Variants in GTF2IRD1 observed in about 807,000 individuals in gnomAD.
The protein encoded by GTF2IRD1 is GTF2I repeat domain containing 1.
In GTF2IRD1, 26 loss-of-function variants were observed where a neutral mutation model predicts 113.2. The ratio of observed to expected loss-of-function variants is 0.23; its 90% confidence interval spans 0.17 to 0.32. The LOEUF is 0.32. GTF2IRD1 is among the 10% of genes least tolerant of loss of function. GTF2IRD1 has a pLI of 1.00. For missense variants in GTF2IRD1, 864 were observed against 1,280.8 expected, an observed-to-expected ratio of 0.67 and a Z score of 4.97; for synonymous variants, 484 against 529.1, an observed-to-expected ratio of 0.91 and a Z score of 1.17.
At position 74,488,428 on chromosome 7, in the gene GTF2IRD1, A is replaced by G. The variant is rs567779273; in HGVS notation, c.-6-19647A>G. Reference sequence around the variant, plus strand: ...AAATGGGTGACTTTACAACTGGTAAAGACTGACTTAAGTAGGATGTTTTTA... The same window carrying G: ...AAATGGGTGACTTTACAACTGGTAAGGACTGACTTAAGTAGGATGTTTTTA... On this transcript the variant is annotated intron_variant, in intron 1 of 26. Coordinates refer to ENST00000424337, the MANE Select transcript of GTF2IRD1 (RefSeq NM_005685.4). Among the ~76,000 whole-genome samples, 11 of 152,352 alleles carry G rather than the reference A, an allele frequency of 7.2e-5. No homozygotes were observed. The East Asian group carries it at 2.1e-3, about 29-fold the overall frequency.
chr7:74,498,980 T>G (rs935122373), intron 1 of GTF2IRD1, among the ~76,000 whole-genome samples: 2 of 152,220 alleles, frequency 1.3e-5, no homozygotes, highest in African/African-American at 4.8e-5. Flanking sequence ...TCCTCCCACC[T>G]CTGCCTCCCA....
At chr7:74,456,753 C>G (rs1793004810) in intron 1 of GTF2IRD1, among the ~76,000 whole-genome samples, 1 of 152,048 alleles carries the variant, frequency 6.6e-6, no homozygotes. Flanking sequence ...CTACCCCTGG[C>G]CTCTGCACAC....
chr7:74,558,842 C>T lies in GTF2IRD1; in HGVS notation c.2108-19C>T, dbSNP rs372639389. The T allele has an allele frequency of 6.9e-5, 110 of 1,603,228 alleles. No homozygotes were observed. In the African/African-American group the frequency reaches 1.3e-3, roughly 19 times the overall value. ...TGCCTCTCACTCCTGACGGGCAGGA[C>T]CCTGCCTCTCGCCCACAGGGGAAGC... is the stretch of plus-strand genomic sequence containing the variant. On this transcript the variant is annotated intron_variant, in intron 20 of 26. Transcript: ENST00000424337.
chr7:74,530,380 G>A (rs1797889937), intron 9 of GTF2IRD1, among the ~76,000 whole-genome samples: 1 of 152,004 alleles, frequency 6.6e-6, no homozygotes, highest in African/African-American at 2.4e-5. Context: ...ACGAGTCTGA[G>A]AGAGAATTCT....
chr7:74,484,441 C>A (rs1794905548), intron 1 of GTF2IRD1, among the ~76,000 whole-genome samples: 1 of 151,144 alleles, frequency 6.6e-6, no homozygotes, highest in African/African-American at 2.4e-5. Flanking sequence ...GCCACCACAC[C>A]CGGCCATCCT....
chr7:74,497,065 G>C (rs566294783), intron 1 of GTF2IRD1, among the ~76,000 whole-genome samples: 1 of 152,024 alleles, frequency 6.6e-6, no homozygotes, highest in South Asian at 2.1e-4. Context: ...GGAAGGCTGA[G>C]GTGGGAAGAT....
Position 74,476,554 on chromosome 7 carries a change from G to C in GTF2IRD1, c.-7+22378G>C, listed in dbSNP as rs183607446. 1.1e-3 allele frequency among the ~76,000 whole-genome samples: 172 copies of C among 152,010 alleles called. 1 individual carries two copies. The highest frequency in any genetic ancestry group is 3.9e-3 in the African/African-American group (162 of 41,454). The stretch of plus-strand genomic sequence containing the variant: ...AATTTTTTTATTTTTAGTAGAGATG[G>C]GGTTTCACTGTGTTGGCCAGGCTGA... On this transcript the variant is annotated intron_variant, in intron 1 of 26. Transcript: ENST00000424337.
chr7:74,465,779 A>T (rs1019156392), intron 1 of GTF2IRD1, among the ~76,000 whole-genome samples: 6 of 151,524 alleles, frequency 4.0e-5, no homozygotes, highest in African/African-American at 1.5e-4. Context: ...CAATTTATTT[A>T]TTTTTTTTGA....
At chr7:74,571,599 C>T (rs1271741543) in intron 22 of GTF2IRD1, among the ~76,000 whole-genome samples, 1 of 152,160 alleles carries the variant, frequency 6.6e-6, no homozygotes, top group Non-Finnish European at 1.5e-5. Context: ...CAGTGGCTCA[C>T]GCCTGTAATC....
chr7:74,455,701 T>G (rs1172923811), intron 1 of GTF2IRD1, among the ~76,000 whole-genome samples: 2 of 152,174 alleles, frequency 1.3e-5, no homozygotes, highest in African/African-American at 4.8e-5. Context: ...AGGGACAGGC[T>G]TGGCCCCAAG....
chr7:74,507,949 A>C, intron 1 of GTF2IRD1, 126 bp from the exon 2 acceptor site: 1 of 990,286 alleles, frequency 1.0e-6, no homozygotes, highest in Non-Finnish European at 1.4e-6. Context: ...GGCCCAGGGA[A>C]GGTCAGCCCT....
intron 1 of GTF2IRD1, among the ~76,000 whole-genome samples, chr7:74,496,429 ATG>A (rs1205416665): frequency 1.7e-4 from 22 of 130,182 alleles, no homozygotes; most frequent in Non-Finnish European, 2.4e-4. Context: ...ATGTGTGTGC[ATG>A]TGTGTATGCA....
intron 17 of GTF2IRD1, among the ~76,000 whole-genome samples, chr7:74,552,693 C>T (rs1270444781): frequency 6.6e-6 from 1 of 152,160 alleles, no homozygotes; most frequent in Non-Finnish European, 1.5e-5. Context: ...AAACTAGGGG[C>T]ACCCGGGCAG....
chr7:74,470,251 C>G (rs1047329355), intron 1 of GTF2IRD1, among the ~76,000 whole-genome samples: 2 of 152,130 alleles, frequency 1.3e-5, no homozygotes, highest in African/African-American at 4.8e-5. Flanking sequence ...TCTCAAAGTG[C>G]TGAGATAGAT....
chr7:74,495,350 G>A (rs934060005), intron 1 of GTF2IRD1, among the ~76,000 whole-genome samples: 13 of 152,136 alleles, frequency 8.5e-5, no homozygotes, highest in South Asian at 2.1e-4. Flanking sequence ...GCACTTCGGC[G>A]TTCTGCTCCA....
chr7:74,480,833 A>G (rs1288148408), intron 1 of GTF2IRD1, among the ~76,000 whole-genome samples: 1 of 152,052 alleles, frequency 6.6e-6, no homozygotes, highest in East Asian at 1.9e-4. Flanking sequence ...TGCTCCTAGT[A>G]CCTGATGCAC....
chr7:74,552,494 C>T (rs1312675392), intron 17 of GTF2IRD1, among the ~76,000 whole-genome samples: 5 of 151,942 alleles, frequency 3.3e-5, no homozygotes, highest in African/African-American at 9.7e-5. Context: ...CCAGCCTGGG[C>T]GACAAGAGCA....
chr7:74,526,140 C>T (rs587654517), intron 8 of GTF2IRD1, among the ~76,000 whole-genome samples: 13 of 152,360 alleles, frequency 8.5e-5, no homozygotes, highest in East Asian at 5.8e-4. Context: ...GAGGAGCCGG[C>T]TCTGCCTGCC....
Position 74,555,373 on chromosome 7 carries a change from G to T in GTF2IRD1, c.1967-65G>T. 1 of 1,578,224 alleles carries T rather than the reference G, an allele frequency of 6.3e-7. No individual in the cohort carries two copies. Among genetic ancestry groups the T allele is most frequent in the Non-Finnish European group, 8.7e-7 (1 of 1,147,542 alleles). ...ACCCCCACATTGGGTTTCCCCTAAC[G>T]ATGCCATCTTGGGTCCCAGGAACTG... is the stretch of plus-strand genomic sequence containing the variant. On this transcript the variant is annotated intron_variant, in intron 18 of 26. Transcript: ENST00000424337. This position sits in a 1 kb window ranked among gnomAD's most constrained non-coding sequence, Gnocchi z 5.3.
Sources: allele counts gnomAD v4.1 joint callset (sites outside exome capture counted in the v4.1 genomes callset), GRCh38; gene constraint gnomAD v4.1.1; non-coding constraint Gnocchi (gnomAD v3.1); transcripts MANE v1.5; gene names NCBI Gene and HGNC (gene_info 2026-07-23, HGNC 2026-07-21).